Variants in HDAC9 observed in about 807,000 individuals in gnomAD.
HDAC9 encodes histone deacetylase 9.
HDAC9 carries 41 observed loss-of-function variants against 139.4 expected under a neutral mutation model. The observed-to-expected ratio is 0.29, with a 90% CI of 0.23 to 0.38. HDAC9 has a LOEUF of 0.38. Among genes scored for constraint, HDAC9 ranks in the 10% least tolerant of loss-of-function variants. HDAC9 has a pLI of 1.00. For synonymous variants in HDAC9, 517 were observed against 476.2 expected, an observed-to-expected ratio of 1.09 and a Z score of -1.12; for missense variants, 1,147 against 1,297.0, an observed-to-expected ratio of 0.88 and a Z score of 1.78.
chr7:18,975,735 CGTAT>C (rs1784508441), intron 24 of HDAC9, 67 bp from the exon 25 acceptor site: 14 of 1,413,082 alleles, frequency 9.9e-6, no homozygotes, highest in Non-Finnish European at 9.9e-7. Context: ...CTGAGTTGGA[CGTAT>C]GTGAGTATTC....
intron 21 of HDAC9, among the ~76,000 whole-genome samples, chr7:18,841,869 T>A (rs533162820): frequency 1.3e-4 from 20 of 152,218 alleles, no homozygotes; most frequent in African/African-American, 4.8e-4. Context: ...TTGGTTCTTT[T>A]TTTCCTTTTA....
chr7:18,890,108 A>T (rs1294289871), intron 22 of HDAC9, among the ~76,000 whole-genome samples: 3 of 152,224 alleles, frequency 2.0e-5, no homozygotes, highest in African/African-American at 7.2e-5. Flanking sequence ...TATGAAGAGT[A>T]AATACAGAAA....
At chr7:18,969,134 A>C (rs1242312943) in intron 24 of HDAC9, among the ~76,000 whole-genome samples, 2 of 151,966 alleles carry the variant, frequency 1.3e-5, no homozygotes, top group African/African-American at 4.8e-5. Context: ...TCATTTGAAT[A>C]ATTTTCTTTA....
chr7:18,910,809 GT>G (rs899954252), intron 22 of HDAC9, among the ~76,000 whole-genome samples: 1 of 151,850 alleles, frequency 6.6e-6, no homozygotes, highest in African/African-American at 2.4e-5. Flanking sequence ...CTTGATCATG[GT>G]GTATAATCTT....
At chr7:18,750,896 G>A (rs187378036) in intron 14 of HDAC9, among the ~76,000 whole-genome samples, 1 of 152,166 alleles carries the variant, frequency 6.6e-6, no homozygotes, top group Admixed American at 6.6e-5. Flanking sequence ...TCACATTCAC[G>A]TTTGTGTTAT....
intron 24 of HDAC9, among the ~76,000 whole-genome samples, chr7:18,965,891 G>C (rs1783813251): frequency 6.6e-6 from 1 of 152,154 alleles, no homozygotes; most frequent in Non-Finnish European, 1.5e-5. Context: ...TAAGGGGCGG[G>C]ACATGTGGAT....
chr7:18,736,428 A>G (rs1032832911), intron 13 of HDAC9, among the ~76,000 whole-genome samples: 4 of 152,182 alleles, frequency 2.6e-5, no homozygotes, highest in African/African-American at 9.6e-5. Flanking sequence ...TGATTTATTG[A>G]GAGTTTTTAG....
intron 22 of HDAC9, among the ~76,000 whole-genome samples, chr7:18,905,888 C>CTTTCTTTTCCTTCTTTT (rs1563043958): frequency 4.0e-4 from 59 of 145,826 alleles, no homozygotes; most frequent in Admixed American, 7.7e-4. Context: ...TTCCTTCTTT[C>CTTTCTTTTCCTTCTTTT]CTTTCTTTTC....
intron 1 of HDAC9, among the ~76,000 whole-genome samples, chr7:18,393,498 T>C (rs1223090390): frequency 6.6e-6 from 1 of 152,108 alleles, no homozygotes; most frequent in East Asian, 1.9e-4. Context: ...ATTTGAAATA[T>C]TTCTAGGTTT....
In HDAC9 at chr7:18,146,524, A is replaced by C. The variant is rs533442806; in HGVS notation, c.-96-15705A>C. Among the ~76,000 whole-genome samples, 880 of 152,326 alleles carry C rather than the reference A, an allele frequency of 5.8e-3. 8 individuals are homozygous for C. Among genetic ancestry groups the C allele is most frequent in the Middle Eastern group, 0.027 (8 of 294 alleles). On this transcript the variant is annotated intron_variant, in intron 1 of 12. Coordinates refer to the HDAC9 transcript ENST00000417496. ...ATAGGTATTAAGTTATGTACCACCC[A>C]AAACTACTTAAAATTAGTTTTCTCA...
chr7:18,203,850 C>A (rs1285330231), intron 2 of HDAC9, among the ~76,000 whole-genome samples: 1 of 152,196 alleles, frequency 6.6e-6, no homozygotes, highest in Non-Finnish European at 1.5e-5. Context: ...AACAAATTTT[C>A]TCCTTCTGGT....
chr7:18,666,829 T>C, intron 12 of HDAC9: 1 of 1,072,860 alleles, frequency 9.3e-7, no homozygotes, highest in Non-Finnish European at 1.1e-6. Flanking sequence ...TTCACTGTTA[T>C]TTTGAGTTTA....
intron 6 of HDAC9, among the ~76,000 whole-genome samples, chr7:18,606,299 A>G (rs1373247580): frequency 6.6e-6 from 1 of 152,236 alleles, no homozygotes; most frequent in African/African-American, 2.4e-5. Context: ...AAATGAAACC[A>G]GAAGACTACC....
chr7:18,824,934 A>G (rs1324690124), intron 17 of HDAC9, among the ~76,000 whole-genome samples: 1 of 152,230 alleles, frequency 6.6e-6, no homozygotes, highest in Non-Finnish European at 1.5e-5. Flanking sequence ...ATCAACAGGA[A>G]TTTGTCATGA....
chr7:18,618,656 A>G (rs990179961), intron 6 of HDAC9, among the ~76,000 whole-genome samples: 10 of 150,102 alleles, frequency 6.7e-5, no homozygotes, highest in African/African-American at 2.4e-4. Context: ...TTATATATCC[A>G]CAATAAAATT....
chr7:18,417,096 C>T (rs1404458055), intron 1 of HDAC9, among the ~76,000 whole-genome samples: 1 of 152,118 alleles, frequency 6.6e-6, no homozygotes, highest in Non-Finnish European at 1.5e-5. Context: ...CTAAAGCTAT[C>T]CCAGGGCCCA....
chr7:18,113,552 A>C (rs556229502), intron 1 of HDAC9, among the ~76,000 whole-genome samples: 3 of 152,244 alleles, frequency 2.0e-5, no homozygotes, highest in Non-Finnish European at 4.4e-5. Flanking sequence ...TTTGAACACA[A>C]GGTAAAATGT....
intron 17 of HDAC9, among the ~76,000 whole-genome samples, chr7:18,828,737 A>G (rs773899694): frequency 4.6e-5 from 7 of 152,222 alleles, no homozygotes; most frequent in Admixed American, 1.3e-4. Flanking sequence ...ATCCAGTTAA[A>G]GAATTTTCAC....
At chr7:18,539,939 A>G (rs771160082) in intron 2 of HDAC9, among the ~76,000 whole-genome samples, 5 of 151,942 alleles carry the variant, frequency 3.3e-5, no homozygotes, top group Non-Finnish European at 5.9e-5. Context: ...AAGCATAAGT[A>G]CTTTTTATAG....
Sources: gnomAD v4.1 joint callset for allele counts (sites outside exome capture counted in the v4.1 genomes callset) on GRCh38, gnomAD v4.1.1 for gene constraint, MANE v1.5 for transcripts, NCBI Gene and HGNC (gene_info 2026-07-23, HGNC 2026-07-21) for gene names.